Variants in KHDRBS3 observed in about 807,000 individuals in gnomAD.
KHDRBS3 encodes the protein KH RNA binding domain containing, signal transduction associated 3, also known as KH domain-containing, RNA-binding, signal transduction-associated protein 3.
A neutral mutation model predicts 45.6 loss-of-function variants in KHDRBS3; 23 were observed. That is an observed-to-expected ratio of 0.50 (90% CI 0.36 to 0.72). The LOEUF is 0.72. Among genes scored for constraint, KHDRBS3 ranks in the 30% least tolerant of loss-of-function variants. KHDRBS3 has a pLI of 0.00. For synonymous variants in KHDRBS3, 162 were observed against 156.5 expected (o/e 1.04, Z -0.26); for missense variants, 352 against 424.8 (o/e 0.83, Z 1.51).
At chr8:135,654,234 A>G (rs1363223919) in intron 4 of KHDRBS3, among the ~76,000 whole-genome samples, 1 of 152,192 alleles carries the variant, frequency 6.6e-6, no homozygotes, top group Non-Finnish European at 1.5e-5. Context: ...GCCATAATCC[A>G]AACAACTACT....
chr8:135,646,138 AGAG>A (rs1831279219), intron 8 of KHDRBS3, among the ~76,000 whole-genome samples: 1 of 151,850 alleles, frequency 6.6e-6, no homozygotes, highest in Non-Finnish European at 1.5e-5. Context: ...TATCAAAAGA[AGAG>A]GTCATTTTAA....
At chr8:135,618,017 T>C (rs1242511382) in intron 7 of KHDRBS3, among the ~76,000 whole-genome samples, 1 of 152,182 alleles carries the variant, frequency 6.6e-6, no homozygotes, top group African/African-American at 2.4e-5. Flanking sequence ...GATTCATACC[T>C]CATTGTTAGA....
In KHDRBS3 at chr8:135,457,834, G is replaced by A. The variant is rs1821189158; in HGVS notation, c.-33G>A. On this transcript the variant is annotated 5_prime_UTR_variant, in exon 1 of 9. Transcript: ENST00000355849. The surrounding 1 kb of genome is among the most constrained non-coding windows in gnomAD (Gnocchi z 4.4). ...CCGGGCGCCGCCCCCCGTGCGCCTG[G>A]AGTCCACATCCCGGGCCCGGCGGCC... The A allele has an allele frequency of 6.8e-7, 1 of 1,481,326 alleles. No individual in the cohort carries two copies. Among genetic ancestry groups the A allele is most frequent in the Admixed American group, 2.1e-5 (1 of 48,310 alleles). 91.8% of individuals were successfully genotyped at this position (1,481,326 alleles called of 1,614,324 possible).
At chr8:135,465,562 G>A (rs1821653116) in intron 1 of KHDRBS3, among the ~76,000 whole-genome samples, 1 of 152,124 alleles carries the variant, frequency 6.6e-6, no homozygotes, top group Non-Finnish European at 1.5e-5. Flanking sequence ...CAGCAGCTCT[G>A]ATTGATTTTT....
intron 1 of KHDRBS3, among the ~76,000 whole-genome samples, chr8:135,489,858 T>C (rs1001535792): frequency 6.6e-6 from 1 of 152,214 alleles, no homozygotes; most frequent in Non-Finnish European, 1.5e-5. Context: ...TGTGCAGTGA[T>C]GTCCTAGGCC....
At chr8:135,487,352 G>T (rs1402643903) in intron 1 of KHDRBS3, among the ~76,000 whole-genome samples, 1 of 152,112 alleles carries the variant, frequency 6.6e-6, no homozygotes, top group African/African-American at 2.4e-5. Flanking sequence ...GCTCATTGTT[G>T]GTTTCCTAGC....
At chr8:135,504,888 G>A (rs1391756777) in intron 1 of KHDRBS3, among the ~76,000 whole-genome samples, 2 of 152,146 alleles carry the variant, frequency 1.3e-5, no homozygotes. Context: ...TGGTGATCAT[G>A]ATGATATATA....
chr8:135,535,282 AT>A (rs1174754944), intron 2 of KHDRBS3, among the ~76,000 whole-genome samples: 3 of 131,004 alleles, frequency 2.3e-5, no homozygotes, highest in Non-Finnish European at 4.8e-5. Flanking sequence ...GTTAAACTAT[AT>A]ATAAACTATT....
chr8:135,573,574 A>G (rs1827809054), intron 5 of KHDRBS3, among the ~76,000 whole-genome samples: 1 of 152,224 alleles, frequency 6.6e-6, no homozygotes. Context: ...CAGATAGGAA[A>G]ACTGAGGCTT....
At chr8:135,563,283 G>C (rs1231839762) in intron 5 of KHDRBS3, among the ~76,000 whole-genome samples, 1 of 152,064 alleles carries the variant, frequency 6.6e-6, no homozygotes, top group Non-Finnish European at 1.5e-5. Flanking sequence ...CCTTTCTGTT[G>C]CTCCTTAAAT....
rs1390828285 is a variant in KHDRBS3, at chr8:135,612,965, C to T, written c.890+5928C>T. The stretch of plus-strand genomic sequence containing the variant: ...TTTTTTACATGTGGCTACTGGAAAG[C>T]TCTCTATTACAGTGTCTTCTCATAG... On this transcript the variant is annotated intron_variant, in intron 7 of 8. Coordinates refer to ENST00000355849, the MANE Select transcript of KHDRBS3 (RefSeq NM_006558.3). Among the ~76,000 whole-genome samples, 3 of 151,754 alleles carry T rather than the reference C, an allele frequency of 2.0e-5. No homozygotes were observed. In the East Asian group the frequency reaches 5.8e-4, roughly 29 times the overall value.
intron 4 of KHDRBS3, among the ~76,000 whole-genome samples, chr8:135,653,654 C>T (rs1224314551): frequency 6.6e-6 from 1 of 152,114 alleles, no homozygotes; most frequent in African/African-American, 2.4e-5. Flanking sequence ...GCCTTGTGTT[C>T]GATGATTCAG....
At chr8:135,614,990 G>A (rs972954774) in intron 7 of KHDRBS3, among the ~76,000 whole-genome samples, 4 of 151,696 alleles carry the variant, frequency 2.6e-5, no homozygotes, top group African/African-American at 4.9e-5. Context: ...TCAGTGGTAG[G>A]GGGGATTTTG....
intron 5 of KHDRBS3, among the ~76,000 whole-genome samples, chr8:135,558,037 C>T (rs1275334039): frequency 2.6e-5 from 4 of 152,056 alleles, no homozygotes; most frequent in Non-Finnish European, 4.4e-5. Flanking sequence ...TGTAAGTAAT[C>T]GCATTGATAT....
intron 4 of KHDRBS3, chr8:135,549,842 A>T (rs1346961046): frequency 6.6e-6 from 1 of 152,214 alleles, no homozygotes; most frequent in Non-Finnish European, 1.5e-5. Context: ...AAGGATATTT[A>T]AATCACTTTT....
At chr8:135,626,458 C>T (rs527384931) in intron 7 of KHDRBS3, among the ~76,000 whole-genome samples, 5 of 152,322 alleles carry the variant, frequency 3.3e-5, no homozygotes, top group African/African-American at 1.2e-4. Context: ...CACGCCTGGC[C>T]ATTGCTGAAG....
At chr8:135,560,148 AG>A (rs2130843472) in intron 5 of KHDRBS3, among the ~76,000 whole-genome samples, 1 of 152,250 alleles carries the variant, frequency 6.6e-6, no homozygotes, top group East Asian at 1.9e-4. Context: ...ATAGATAAAA[AG>A]GTATCTCTGT....
intron 5 of KHDRBS3, among the ~76,000 whole-genome samples, chr8:135,563,681 C>A (rs1164092507): frequency 3.3e-5 from 5 of 152,148 alleles, no homozygotes; most frequent in African/African-American, 1.2e-4. Flanking sequence ...AAGTGTTGAC[C>A]ACTGGAAATA....
chr8:135,466,411 A>G (rs1167941406), intron 1 of KHDRBS3, among the ~76,000 whole-genome samples: 1 of 152,206 alleles, frequency 6.6e-6, no homozygotes, highest in Non-Finnish European at 1.5e-5. Flanking sequence ...CTTATATTAT[A>G]GGGATTAGTG....
Sources: allele counts gnomAD v4.1 joint callset (sites outside exome capture counted in the v4.1 genomes callset), GRCh38; gene constraint gnomAD v4.1.1; non-coding constraint Gnocchi (gnomAD v3.1); transcripts MANE v1.5; gene names NCBI Gene and HGNC (gene_info 2026-07-23, HGNC 2026-07-21).